TENM4: variants seen among roughly 807,000 people sequenced by gnomAD.
TENM4 encodes teneurin-4.
Under a neutral mutation model 243.3 loss-of-function variants are expected in TENM4, and 82 were observed. That is an observed-to-expected ratio of 0.34 (90% CI 0.28 to 0.40). TENM4 has a LOEUF of 0.40. TENM4 is among the 10% of genes least tolerant of loss of function. The probability of loss-of-function intolerance (pLI) is 1.00; values close to 1 mark genes in which losing one functional copy is unlikely to be tolerated. For synonymous variants in TENM4, 1,412 were observed against 1,456.3 expected (o/e 0.97, Z 0.69); for missense variants, 3,138 against 3,673.3 (o/e 0.85, Z 3.77).
At chr11:78,791,029 C>G (rs753015800) in intron 15 of TENM4, among the ~76,000 whole-genome samples, 1 of 152,142 alleles carries the variant, frequency 6.6e-6, no homozygotes, top group Non-Finnish European at 1.5e-5. Context: ...CAGCCCTTTA[C>G]AAGCTGGGTT....
At chr11:79,170,391 G>A (rs549899687) in intron 3 of TENM4, among the ~76,000 whole-genome samples, 113 of 152,288 alleles carry the variant, frequency 7.4e-4, no homozygotes, top group Middle Eastern at 6.8e-3. Flanking sequence ...AGGTCAAACA[G>A]CATTGCCCAA....
chr11:79,001,136 A>G (rs1858312482), intron 6 of TENM4, among the ~76,000 whole-genome samples: 1 of 152,270 alleles, frequency 6.6e-6, no homozygotes, highest in Non-Finnish European at 1.5e-5. Context: ...CAGATAAAAA[A>G]GCAAGATCCA....
chr11:79,193,111 C>T lies in TENM4; in HGVS notation c.-163+22697G>A, dbSNP rs1465480434. ...GCTTTCCCACCAGCACCAACCTCAC[C>T]ATTTTCTTTCAGTATTTGAGGACTG... On this transcript the variant is annotated intron_variant, in intron 3 of 33. Coordinates refer to ENST00000278550, the MANE Select transcript of TENM4 (RefSeq NM_001098816.3). The T allele has an allele frequency of 2.6e-5, 4 of 152,434 alleles. No homozygotes were observed. In the East Asian group the frequency reaches 7.7e-4, roughly 29 times the overall value. 9.4% of individuals were successfully genotyped at this position (152,434 alleles called of 1,614,324 possible).
intron 9 of TENM4, among the ~76,000 whole-genome samples, chr11:78,870,186 A>G (rs976700495): frequency 6.6e-6 from 1 of 152,234 alleles, no homozygotes; most frequent in Non-Finnish European, 1.5e-5. Context: ...GCTTAGAACT[A>G]TGCCTGGTAC....
chr11:78,801,400 G>A (rs1857280061), intron 15 of TENM4, among the ~76,000 whole-genome samples: 1 of 152,214 alleles, frequency 6.6e-6, no homozygotes, highest in Admixed American at 6.5e-5. Flanking sequence ...GTTATGTCGT[G>A]TGATTTATCA....
intron 2 of TENM4, among the ~76,000 whole-genome samples, chr11:79,229,764 C>T (rs1290608939): frequency 6.6e-6 from 1 of 152,184 alleles, no homozygotes; most frequent in Non-Finnish European, 1.5e-5. Flanking sequence ...GTGCTTGACA[C>T]ACAGCAGGCA....
At chr11:78,850,294 G>A (rs1315364824) in intron 12 of TENM4, among the ~76,000 whole-genome samples, 1 of 152,112 alleles carries the variant, frequency 6.6e-6, no homozygotes, top group East Asian at 1.9e-4. Context: ...TATTTCTCCT[G>A]TTACTTAATT....
At chr11:79,415,259 C>T (rs1590949956) in intron 1 of TENM4, among the ~76,000 whole-genome samples, 1 of 152,152 alleles carries the variant, frequency 6.6e-6, no homozygotes, top group Admixed American at 6.5e-5. Context: ...CCAAAAAGAA[C>T]AAACTGTTTC....
chr11:79,222,971 A>G (rs1864192686), intron 2 of TENM4, among the ~76,000 whole-genome samples: 1 of 152,008 alleles, frequency 6.6e-6, no homozygotes, highest in African/African-American at 2.4e-5. Context: ...AACAACATAC[A>G]TTGGGGCCTG....
intron 6 of TENM4, among the ~76,000 whole-genome samples, chr11:78,931,877 C>T (rs983930686): frequency 1.3e-5 from 2 of 152,148 alleles, no homozygotes; most frequent in Admixed American, 1.3e-4. Context: ...CCTGTAGTCC[C>T]ATCTACTTGG....
intron 3 of TENM4, among the ~76,000 whole-genome samples, chr11:79,173,483 G>T (rs1184606827): frequency 6.6e-6 from 1 of 152,124 alleles, no homozygotes; most frequent in African/African-American, 2.4e-5. Flanking sequence ...CTATCACCAG[G>T]TGGGTCAGTC....
intron 1 of TENM4, among the ~76,000 whole-genome samples, chr11:79,396,553 C>G (rs1036649527): frequency 9.2e-5 from 14 of 152,204 alleles, no homozygotes; most frequent in Non-Finnish European, 1.8e-4. Flanking sequence ...CCCAACTGTT[C>G]ATACCTTTGC....
At chr11:78,906,846 A>G (rs1856074540) in intron 6 of TENM4, among the ~76,000 whole-genome samples, 2 of 152,220 alleles carry the variant, frequency 1.3e-5, no homozygotes, top group South Asian at 4.1e-4. Flanking sequence ...GGGTGAACAC[A>G]GAGCCTAGAA....
At chr11:79,155,703 T>A (rs868227038) in intron 3 of TENM4, among the ~76,000 whole-genome samples, 2 of 129,728 alleles carry the variant, frequency 1.5e-5, no homozygotes, top group South Asian at 6.3e-4. Context: ...TCCCCTCCTT[T>A]CCTCCTTTCC....
intron 1 of TENM4, among the ~76,000 whole-genome samples, chr11:79,370,614 G>T (rs1343957463): frequency 6.6e-6 from 1 of 151,972 alleles, no homozygotes. Flanking sequence ...CCTAAAGCGT[G>T]GGGCTTCTGT....
intron 6 of TENM4, among the ~76,000 whole-genome samples, chr11:78,959,661 G>C (rs1857276229): frequency 1.3e-5 from 2 of 152,150 alleles, no homozygotes; most frequent in South Asian, 4.2e-4. Context: ...TCAGAGCAAG[G>C]GCCTGGGGAA....
chr11:79,192,461 C>T (rs528935859), intron 3 of TENM4, among the ~76,000 whole-genome samples: 1 of 152,244 alleles, frequency 6.6e-6, no homozygotes, highest in East Asian at 1.9e-4. Flanking sequence ...TGATCTGTGA[C>T]CTTACCCCCC....
chr11:79,417,611 T>C (rs551779151), intron 1 of TENM4, among the ~76,000 whole-genome samples: 86 of 152,350 alleles, frequency 5.6e-4, no homozygotes, highest in South Asian at 2.7e-3. Context: ...ACATTGTCCT[T>C]TGAAGAACAC....
intron 6 of TENM4, among the ~76,000 whole-genome samples, chr11:78,923,138 G>A (rs1024687077): frequency 2.0e-5 from 3 of 152,092 alleles, no homozygotes; most frequent in Non-Finnish European, 4.4e-5. Context: ...TGTGGTGAGG[G>A]CCAGATTCAC....
Sources: gnomAD v4.1 joint callset for allele counts (sites outside exome capture counted in the v4.1 genomes callset) on GRCh38, gnomAD v4.1.1 for gene constraint, MANE v1.5 for transcripts, NCBI Gene and HGNC (gene_info 2026-07-23, HGNC 2026-07-21) for gene names.